The following KMT2A variants were observed in gnomAD, a reference collection of about 807,000 sequenced individuals.
KMT2A encodes histone-lysine N-methyltransferase 2A.
A neutral mutation model predicts 345.3 loss-of-function variants in KMT2A; 16 were observed. That is an observed-to-expected ratio of 0.05 (90% CI 0.03 to 0.07). The LOEUF (loss-of-function observed/expected upper bound fraction) is 0.07. Among genes scored for constraint, KMT2A ranks in the 10% least tolerant of loss-of-function variants. The pLI is 1.00. For missense variants in KMT2A, 3,272 were observed against 4,841.6 expected, an observed-to-expected ratio of 0.68 and a Z score of 9.62; for synonymous variants, 1,599 against 1,778.6, an observed-to-expected ratio of 0.90 and a Z score of 2.54.
rs1240250349 is a variant in KMT2A, at chr11:118,498,862, A to T, written c.5961+334A>T. Among the ~76,000 whole-genome samples the T allele has an allele frequency of 1.3e-5, 2 of 152,178 alleles. No individual in the cohort carries two copies. The highest frequency in any genetic ancestry group is 3.8e-4 in the East Asian group (2 of 5,198). On this transcript the variant is annotated intron_variant, in intron 22 of 35. Transcript: ENST00000534358. This position sits in a 1 kb window ranked among gnomAD's most constrained non-coding sequence, Gnocchi z 4.4. The stretch of plus-strand genomic sequence containing the variant: ...ATGGAGTATTTTCGCTGCCTTAAAC[A>T]TCCTCTGTGCTCTGCCTATTCATCC...
intron 1 of KMT2A, among the ~76,000 whole-genome samples, chr11:118,455,975 C>T (rs1949634713): frequency 1.3e-5 from 2 of 152,142 alleles, no homozygotes; most frequent in South Asian, 4.1e-4. Context: ...AGGCATGAGC[C>T]ACTGTGCCCA....
rs1555043071 is a variant in KMT2A at position 118,493,150 on chromosome 11, G to T, written c.5098G>T (p.Val1700Phe). 1 of 1,614,066 alleles carries T rather than the reference G, an allele frequency of 6.2e-7. No homozygotes were observed. The highest frequency in any genetic ancestry group is 8.5e-7 in the Non-Finnish European group (1 of 1,179,972). The change falls in exon 16 of 36, where the codon GTC (valine) becomes TTC (phenylalanine). Residue 1700 changes from valine to phenylalanine, a missense_variant. Val to Phe is a conservative substitution (Grantham distance 50). Coordinates refer to ENST00000534358, the MANE Select transcript of KMT2A (RefSeq NM_001197104.2). The surrounding 1 kb of genome is among the most constrained non-coding windows in gnomAD (Gnocchi z 5.8). ...EGPDPPVLTE[V>F]SKQDDQQPLD... The stretch of plus-strand genomic sequence containing the variant: ...ACCTGATCCACCAGTTCTTACTGAG[G>T]TCAGCAAACAGGATGATCAGCAGCC...
rs782014615 is a variant in KMT2A, at chr11:118,490,084, T to G, written c.4576-45T>G. ...AGATCTTTTTAGTTAAGTAAAGATATTAAAAACAAGAAATTCCTATTGAAT... is the reference window on the plus strand; with the variant it reads ...AGATCTTTTTAGTTAAGTAAAGATAGTAAAAACAAGAAATTCCTATTGAAT... On this transcript the variant is annotated intron_variant, in intron 12 of 35. Coordinates refer to ENST00000534358, the MANE Select transcript of KMT2A (RefSeq NM_001197104.2). This position sits in a 1 kb window ranked among gnomAD's most constrained non-coding sequence, Gnocchi z 4.2. The G allele has an allele frequency of 6.3e-7, 1 of 1,577,256 alleles. No homozygotes were observed. The highest frequency in any genetic ancestry group is 8.6e-7 in the Non-Finnish European group (1 of 1,163,878).
Position 118,474,113 on chromosome 11 carries a change from A to C in KMT2A, c.2954A>C (p.Lys985Thr). Residue 985 changes from lysine to threonine, a missense_variant, in exon 3 of 36, where the codon AAG becomes ACG. Lys to Thr is a moderately conservative substitution (Grantham distance 78). This residue lies in a region of KMT2A where 39 missense variants were observed against 88.9 expected (regional missense o/e 0.44). Transcript: ENST00000534358. ...GGCCCAACTGCCCCATCCCTGGAGA[A>C]GGAGAAAACCCTCTGCCTTTCCACT... ...DLGPTAPSLE[K>T]EKTLCLSTPS... 14 of 1,614,214 alleles carry C rather than the reference A, an allele frequency of 8.7e-6. No homozygotes were observed. Among genetic ancestry groups the C allele is most frequent in the Non-Finnish European group, 1.2e-5 (14 of 1,180,024 alleles).
chr11:118,498,923 T>A lies in KMT2A; in HGVS notation c.5962-380T>A, dbSNP rs1309498120. Among the ~76,000 whole-genome samples, 2 of 152,254 alleles carry A rather than the reference T, an allele frequency of 1.3e-5. No individual in the cohort carries two copies. The highest frequency in any genetic ancestry group is 2.9e-5 in the Non-Finnish European group (2 of 68,040). ...CCAACCCTGGGCAACCACTGATGTT[T>A]TTACTATCTCCATAGTCTTGCCATT... On this transcript the variant is annotated intron_variant, in intron 22 of 35. Transcript: ENST00000534358. The surrounding 1 kb of genome is among the most constrained non-coding windows in gnomAD (Gnocchi z 4.4).
At position 118,498,778 on chromosome 11, in the gene KMT2A, G is replaced by A. The variant is rs571780725; in HGVS notation, c.5961+250G>A. Among the ~76,000 whole-genome samples the A allele has an allele frequency of 1.3e-5, 2 of 152,112 alleles. No homozygotes were observed. Among genetic ancestry groups the A allele is most frequent in the African/African-American group, 4.8e-5 (2 of 41,404 alleles). On this transcript the variant is annotated intron_variant, in intron 22 of 35. Coordinates refer to ENST00000534358, the MANE Select transcript of KMT2A (RefSeq NM_001197104.2). The surrounding 1 kb of genome is among the most constrained non-coding windows in gnomAD (Gnocchi z 4.4). ...TACATCAGCATTCACTCTTGGTGTT[G>A]TACATTCTGTGGGTTTGGACAAATG...
rs1375167217 is a variant in KMT2A at position 118,493,869 on chromosome 11, G to A, written c.5179-419G>A. On this transcript the variant is annotated intron_variant, in intron 16 of 35. Transcript: ENST00000534358. The surrounding 1 kb of genome is among the most constrained non-coding windows in gnomAD (Gnocchi z 5.8). Reference sequence around the variant, plus strand: ...GGATTACATAAGCATGTGCCACCATGCCTGGCTAATTTTGTATTTTTGGCG... The same window carrying A: ...GGATTACATAAGCATGTGCCACCATACCTGGCTAATTTTGTATTTTTGGCG... Among the ~76,000 whole-genome samples, 1 of 151,988 alleles carries A rather than the reference G, an allele frequency of 6.6e-6. No individual in the cohort carries two copies. The highest frequency in any genetic ancestry group is 1.9e-4 in the East Asian group (1 of 5,186).
intron 1 of KMT2A, among the ~76,000 whole-genome samples, chr11:118,459,071 CTT>C (rs375482063): frequency 2.0e-5 from 3 of 151,906 alleles, no homozygotes; most frequent in African/African-American, 7.3e-5. Context: ...TTTTCAAACT[CTT>C]TTTTTTCCCC....
Position 118,505,369 on chromosome 11 carries a change from G to A in KMT2A, c.9477G>A (p.Met3159Ile). 2.5e-6 allele frequency: 4 copies of A among 1,614,152 alleles called. No individual in the cohort carries two copies. Among genetic ancestry groups the A allele is most frequent in the Non-Finnish European group, 3.4e-6 (4 of 1,180,022 alleles). Residue 3159 changes from methionine to isoleucine, a missense_variant, in exon 27 of 36, where the codon ATG (methionine) becomes ATA (isoleucine). Transcript: ENST00000534358. The surrounding 1 kb of genome is among the most constrained non-coding windows in gnomAD (Gnocchi z 4.6). ...FPSASKGLLP[M>I]SHHQHLHSFP... is the part of the protein sequence containing the mutation. ...CTGCTAGCAAAGGATTGCTACCCATGTCTCATCACCAGCACTTACATTCCT... is the reference window on the plus strand; with the variant it reads ...CTGCTAGCAAAGGATTGCTACCCATATCTCATCACCAGCACTTACATTCCT...
Position 118,502,600 on chromosome 11 carries a change from T to C in KMT2A, c.6708T>C (p.Ala2236=). ...CCTCAGTCTCCACCACCGGGACCGCTACTGATCTTGAATCAAGTGCCAAAG... is the reference window on the plus strand; with the variant it reads ...CCTCAGTCTCCACCACCGGGACCGCCACTGATCTTGAATCAAGTGCCAAAG... The part of the protein sequence containing the change: ...NVSSVSTTGT[A]TDLESSAKVV... The change falls in exon 27 of 36, where the codon GCT becomes GCC. Residue 2236 remains alanine, a synonymous_variant. Transcript: ENST00000534358. The surrounding 1 kb of genome is among the most constrained non-coding windows in gnomAD (Gnocchi z 4.9). 2 of 1,614,200 alleles carry C rather than the reference T, an allele frequency of 1.2e-6. No homozygotes were observed. Among genetic ancestry groups the C allele is most frequent in the Non-Finnish European group, 1.7e-6 (2 of 1,180,012 alleles).
intron 1 of KMT2A, among the ~76,000 whole-genome samples, chr11:118,467,149 G>A (rs1463108724): frequency 1.3e-5 from 2 of 152,066 alleles, no homozygotes; most frequent in Non-Finnish European, 2.9e-5. Flanking sequence ...GGCCGAGGTG[G>A]GCAGATCACT....
chr11:118,456,629 C>T (rs1040673866), intron 1 of KMT2A, among the ~76,000 whole-genome samples: 8 of 152,152 alleles, frequency 5.3e-5, no homozygotes, highest in Middle Eastern at 3.2e-3. Context: ...TGAGCCGCCG[C>T]GCCTGGCATG....
In KMT2A at chr11:118,522,306, T is replaced by G; in HGVS notation, c.*134T>G. The G allele has an allele frequency of 1.3e-6, 1 of 769,202 alleles. No homozygotes were observed. Among genetic ancestry groups the G allele is most frequent in the Non-Finnish European group, 2.1e-6 (1 of 473,292 alleles). 47.6% of individuals were successfully genotyped at this position (769,202 alleles called of 1,614,324 possible). On this transcript the variant is annotated 3_prime_UTR_variant, in exon 36 of 36. Coordinates refer to ENST00000534358, the MANE Select transcript of KMT2A (RefSeq NM_001197104.2). The surrounding 1 kb of genome is among the most constrained non-coding windows in gnomAD (Gnocchi z 5.4). Reference sequence around the variant, plus strand: ...AGGGGCCTCTGTGATGGCTGAGCTCTCTTATGTCCTATACTCACATCAGAC... The same window carrying G: ...AGGGGCCTCTGTGATGGCTGAGCTCGCTTATGTCCTATACTCACATCAGAC...
rs782608868 is a variant in KMT2A, at chr11:118,504,173, C to T, written c.8281C>T (p.Pro2761Ser). Residue 2761 changes from proline to serine, a missense_variant, in exon 27 of 36, where the codon CCT becomes TCT. By Grantham distance (74) the Pro-to-Ser change is moderately conservative (BLOSUM62 -1). Around this residue, in one of 27 missense-constraint regions of KMT2A, gnomAD observed 100 missense variants for 101.3 expected, o/e 0.99. Coordinates refer to ENST00000534358, the MANE Select transcript of KMT2A (RefSeq NM_001197104.2). The surrounding 1 kb of genome is among the most constrained non-coding windows in gnomAD (Gnocchi z 6.4). The part of the protein sequence containing the change: ...NGTENLKIDR[P>S]EDAGEKEHVT... ...AACAGAGAACTTAAAGATTGATAGACCTGAAGATGCTGGGGAGAAAGAACA... is the reference window on the plus strand; with the variant it reads ...AACAGAGAACTTAAAGATTGATAGATCTGAAGATGCTGGGGAGAAAGAACA... 6.2e-6 allele frequency: 10 copies of T among 1,614,046 alleles called. No individual in the cohort carries two copies. The highest frequency in any genetic ancestry group is 1.7e-5 in the Admixed American group (1 of 60,002).
intron 30 of KMT2A, among the ~76,000 whole-genome samples, chr11:118,511,699 C>T (rs188507661): frequency 3.3e-5 from 5 of 152,342 alleles, no homozygotes; most frequent in East Asian, 3.9e-4. Context: ...GAGTTCATTT[C>T]AGAAGGTCTG....
rs1031798072 is a variant in KMT2A at position 118,501,876 on chromosome 11, C to T, written c.6505+19C>T. ...TCTGCAGGTAAAAGACTTTATTGAC[C>T]TACTTGACCTAAGAAGATCAGCCCA... On this transcript the variant is annotated intron_variant, in intron 26 of 35. Coordinates refer to ENST00000534358, the MANE Select transcript of KMT2A (RefSeq NM_001197104.2). 1.3e-6 allele frequency: 2 copies of T among 1,587,664 alleles called. No homozygotes were observed. Among genetic ancestry groups the T allele is most frequent in the Non-Finnish European group, 1.7e-6 (2 of 1,164,156 alleles).
chr11:118,504,114 G>C lies in KMT2A; in HGVS notation c.8222G>C (p.Ser2741Thr), dbSNP rs112089616. 1 of 1,614,164 alleles carries C rather than the reference G, an allele frequency of 6.2e-7. No homozygotes were observed. Among genetic ancestry groups the C allele is most frequent in the Non-Finnish European group, 8.5e-7 (1 of 1,180,024 alleles). ...GTCACAGCCACAACAAGGAAAAGCA[G>C]CCAGATTCCAAAAAGAAATGGTAAA... ...TSVTATTRKS[S>T]QIPKRNGKEN... Residue 2741 changes from serine to threonine, a missense_variant, in exon 27 of 36, where the codon AGC becomes ACC. Coordinates refer to ENST00000534358, the MANE Select transcript of KMT2A (RefSeq NM_001197104.2). The surrounding 1 kb of genome is among the most constrained non-coding windows in gnomAD (Gnocchi z 6.4).
rs1190305238 is a variant in KMT2A at position 118,523,079 on chromosome 11, T to C, written c.*907T>C. The C allele has an allele frequency of 4.5e-6, 1 of 220,110 alleles. No individual in the cohort carries two copies. The highest frequency in any genetic ancestry group is 9.1e-6 in the Non-Finnish European group (1 of 109,736). The allele number at this position is 220,110 out of a possible 1,614,324, so 13.6% of individuals were successfully genotyped here. On this transcript the variant is annotated 3_prime_UTR_variant, in exon 36 of 36. Coordinates refer to ENST00000534358, the MANE Select transcript of KMT2A (RefSeq NM_001197104.2). ...AGCCATTGGTCATAACCAGACAGAA[T>C]TTGGAAACATTTTCATAAAGCTCCA...
At chr11:118,507,438 C>G (rs1950603922) in intron 27 of KMT2A, 91 bp from the exon 28 acceptor site, 1 of 1,113,058 alleles carries the variant, frequency 9.0e-7, no homozygotes, top group African/African-American at 1.5e-5. Flanking sequence ...TTATCAGATC[C>G]TGATAGAGCC....
Sources: allele counts gnomAD v4.1 joint callset (sites outside exome capture counted in the v4.1 genomes callset), GRCh38; gene constraint gnomAD v4.1.1; regional missense constraint gnomAD v4.1.1; non-coding constraint Gnocchi (gnomAD v3.1); transcripts MANE v1.5; gene names NCBI Gene and HGNC (gene_info 2026-07-23, HGNC 2026-07-21).